SPATA17: variants seen among roughly 807,000 people sequenced by gnomAD.
SPATA17 encodes the protein spermatogenesis associated 17.
In SPATA17, 53 loss-of-function variants were observed where a neutral mutation model predicts 62.2. That is an observed-to-expected ratio of 0.85 (90% CI 0.68 to 1.07). The LOEUF is 1.07. Ranked by LOEUF, SPATA17 falls within the 50% of genes least tolerant of loss-of-function variation. The pLI is 0.00. For synonymous variants in SPATA17, 146 were observed against 146.8 expected, an observed-to-expected ratio of 0.99 and a Z score of 0.04; for missense variants, 466 against 425.5, an observed-to-expected ratio of 1.10 and a Z score of -0.84.
At chr1:217,725,016 C>A (rs1001032132) in intron 5 of SPATA17, among the ~76,000 whole-genome samples, 1 of 152,024 alleles carries the variant, frequency 6.6e-6, no homozygotes, top group African/African-American at 2.4e-5. Flanking sequence ...CCAATAATTT[C>A]TTTTATAATT....
At chr1:217,655,456 T>C (rs1426999176) in intron 3 of SPATA17, among the ~76,000 whole-genome samples, 1 of 152,180 alleles carries the variant, frequency 6.6e-6, no homozygotes, top group Non-Finnish European at 1.5e-5. Flanking sequence ...ACTGTCAACT[T>C]ACTATTTGTC....
At chr1:217,687,441 A>G (rs534681237) in intron 5 of SPATA17, among the ~76,000 whole-genome samples, 2 of 152,228 alleles carry the variant, frequency 1.3e-5, no homozygotes, top group Non-Finnish European at 2.9e-5. Flanking sequence ...ATACAGTCAC[A>G]TACCACATAA....
At chr1:217,775,654 A>G (rs1395183209) in intron 7 of SPATA17, among the ~76,000 whole-genome samples, 1 of 152,088 alleles carries the variant, frequency 6.6e-6, no homozygotes. Context: ...GTGAGCCGAG[A>G]TCGTGCCACT....
intron 6 of SPATA17, among the ~76,000 whole-genome samples, chr1:217,748,385 TC>T (rs1226926809): frequency 4.6e-5 from 7 of 151,466 alleles, no homozygotes; most frequent in Admixed American, 4.6e-4. Flanking sequence ...ATAAGACAAA[TC>T]TTTTTTAAAA....
Position 217,761,337 on chromosome 1 carries a change from C to T in SPATA17, c.520-12997C>T, listed in dbSNP as rs140137991. Among the ~76,000 whole-genome samples the T allele has an allele frequency of 2.6e-5, 4 of 152,146 alleles. No homozygotes were observed. In the South Asian group the frequency reaches 6.2e-4, roughly 24 times the overall value. The stretch of plus-strand genomic sequence containing the variant: ...TAGTTCCAAAGTTATTTAAAGGTTC[C>T]GTTACTTTGCACTCTTGTTGTTTTC... On this transcript the variant is annotated intron_variant, in intron 6 of 10. Coordinates refer to ENST00000366933, the MANE Select transcript of SPATA17 (RefSeq NM_138796.4).
At chr1:217,777,987 T>C (rs919804491) in intron 7 of SPATA17, among the ~76,000 whole-genome samples, 3 of 152,180 alleles carry the variant, frequency 2.0e-5, no homozygotes, top group African/African-American at 7.2e-5. Flanking sequence ...ATTTTTGCTA[T>C]TTTGAATTAT....
intron 5 of SPATA17, among the ~76,000 whole-genome samples, chr1:217,716,137 A>G (rs1671998283): frequency 1.3e-5 from 2 of 152,194 alleles, no homozygotes; most frequent in Admixed American, 6.5e-5. Context: ...CAATATGCTA[A>G]TGACAAACCT....
At chr1:217,755,491 A>C (rs1673020683) in intron 6 of SPATA17, among the ~76,000 whole-genome samples, 1 of 152,058 alleles carries the variant, frequency 6.6e-6, no homozygotes, top group African/African-American at 2.4e-5. Flanking sequence ...AACTTGTCAA[A>C]AAAATTTTTT....
chr1:217,706,910 A>G (rs1489675142), intron 5 of SPATA17, among the ~76,000 whole-genome samples: 1 of 149,644 alleles, frequency 6.7e-6, no homozygotes, highest in Non-Finnish European at 1.5e-5. Context: ...TCTTTCACCC[A>G]GGCTGGAGTG....
chr1:217,769,289 CTATAGT>C (rs1490420851), intron 6 of SPATA17, among the ~76,000 whole-genome samples: 2 of 152,180 alleles, frequency 1.3e-5, no homozygotes, highest in Non-Finnish European at 2.9e-5. Flanking sequence ...TGGTATAGCA[CTATAGT>C]TAGGGGAACC....
intron 6 of SPATA17, among the ~76,000 whole-genome samples, chr1:217,762,471 A>G (rs143628151): frequency 5.5e-4 from 84 of 152,182 alleles, no homozygotes; most frequent in African/African-American, 1.9e-3. Flanking sequence ...TTTTGATTCT[A>G]CTCTATGGAA....
At chr1:217,803,491 GATA>G (rs1287528399) in intron 9 of SPATA17, among the ~76,000 whole-genome samples, 2 of 151,968 alleles carry the variant, frequency 1.3e-5, no homozygotes, top group Non-Finnish European at 2.9e-5. Flanking sequence ...AAGAAATCAA[GATA>G]ATAATCCCAC....
intron 9 of SPATA17, among the ~76,000 whole-genome samples, chr1:217,837,997 G>A (rs1675301593): frequency 6.6e-6 from 1 of 152,050 alleles, no homozygotes; most frequent in Admixed American, 6.6e-5. Context: ...TGTGTTGTAA[G>A]TGTAAAATAC....
chr1:217,682,986 A>T (rs1376627197), intron 4 of SPATA17, among the ~76,000 whole-genome samples: 2 of 152,030 alleles, frequency 1.3e-5, no homozygotes, highest in Non-Finnish European at 2.9e-5. Context: ...AATTTTTATA[A>T]ATCTTTCAAT....
At chr1:217,729,225 C>T (rs553439788) in intron 5 of SPATA17, among the ~76,000 whole-genome samples, 2 of 152,274 alleles carry the variant, frequency 1.3e-5, no homozygotes, top group South Asian at 4.1e-4. Context: ...GCTTTTCTTA[C>T]ATGGCAATTC....
chr1:217,721,668 G>A (rs562100656), intron 5 of SPATA17, among the ~76,000 whole-genome samples: 6 of 152,162 alleles, frequency 3.9e-5, no homozygotes, highest in African/African-American at 1.4e-4. Flanking sequence ...CTTTTGATCT[G>A]GCTTATCCCT....
chr1:217,729,803 C>T (rs1245368023), intron 5 of SPATA17, among the ~76,000 whole-genome samples: 1 of 152,108 alleles, frequency 6.6e-6, no homozygotes, highest in Non-Finnish European at 1.5e-5. Flanking sequence ...TGATCACAGT[C>T]TTTTCACATG....
intron 1 of SPATA17, among the ~76,000 whole-genome samples, chr1:217,647,392 C>G (rs1670207297): frequency 6.6e-6 from 1 of 152,184 alleles, no homozygotes; most frequent in South Asian, 2.1e-4. Context: ...ATGTTTCTCC[C>G]TCAGGTAGCA....
intron 4 of SPATA17, among the ~76,000 whole-genome samples, chr1:217,676,901 A>T (rs568271771): frequency 6.7e-4 from 102 of 152,294 alleles, no homozygotes; most frequent in African/African-American, 2.4e-3. Flanking sequence ...AGATGTAATT[A>T]ATTGTTTCAA....
Sources: gnomAD v4.1 joint callset for allele counts (sites outside exome capture counted in the v4.1 genomes callset) on GRCh38, gnomAD v4.1.1 for gene constraint, MANE v1.5 for transcripts, NCBI Gene and HGNC (gene_info 2026-07-23, HGNC 2026-07-21) for gene names.